The following CSMD1 variants were observed in gnomAD, a reference collection of about 807,000 sequenced individuals.
The protein encoded by CSMD1 is CUB and sushi domain-containing protein 1.
A neutral mutation model predicts 417.5 loss-of-function variants in CSMD1; 213 were observed. That is an observed-to-expected ratio of 0.51 (90% CI 0.46 to 0.57). The LOEUF is 0.57. Ranked by LOEUF, CSMD1 falls within the 20% of genes least tolerant of loss-of-function variation. CSMD1 has a pLI of 0.00. For missense variants in CSMD1, 6,923 were observed against 4,529.7 expected (o/e 1.53, Z -15.17); for synonymous variants, 2,862 against 1,736.8 (o/e 1.65, Z -16.11).
chr8:3,606,544 C>G (rs1801623940), intron 8 of CSMD1, among the ~76,000 whole-genome samples: 1 of 152,042 alleles, frequency 6.6e-6, no homozygotes, highest in African/African-American at 2.4e-5. Flanking sequence ...GGAAGTTGCT[C>G]TGTGTGAGTC....
chr8:4,053,115 T>G (rs748614999), intron 3 of CSMD1, among the ~76,000 whole-genome samples: 1 of 152,160 alleles, frequency 6.6e-6, no homozygotes, highest in African/African-American at 2.4e-5. Flanking sequence ...GAGGACCCCT[T>G]GCCCAGGAAG....
intron 1 of CSMD1, among the ~76,000 whole-genome samples, chr8:4,667,507 C>A (rs1805017362): frequency 6.6e-6 from 1 of 151,610 alleles, no homozygotes; most frequent in Non-Finnish European, 1.5e-5. Flanking sequence ...GATATACCCT[C>A]CTTTTATGTA....
intron 5 of CSMD1, among the ~76,000 whole-genome samples, chr8:3,769,200 A>G (rs1282970879): frequency 1.3e-5 from 2 of 152,234 alleles, no homozygotes; most frequent in African/African-American, 4.8e-5. Flanking sequence ...TAATGTTCAC[A>G]GACATGTTGG....
intron 5 of CSMD1, among the ~76,000 whole-genome samples, chr8:3,922,037 A>G (rs932520260): frequency 6.6e-6 from 1 of 152,072 alleles, no homozygotes; most frequent in Non-Finnish European, 1.5e-5. Context: ...AGTTCTGTTA[A>G]TATTTGCTAT....
intron 2 of CSMD1, among the ~76,000 whole-genome samples, chr8:4,485,571 G>C (rs1396605879): frequency 5.3e-5 from 8 of 151,876 alleles, no homozygotes; most frequent in Admixed American, 1.3e-4. Flanking sequence ...TTTATTTCTT[G>C]CCACTTCTAT....
intron 10 of CSMD1, among the ~76,000 whole-genome samples, chr8:3,551,358 G>C (rs1380096842): frequency 2.0e-5 from 3 of 152,064 alleles, no homozygotes; most frequent in African/African-American, 7.2e-5. Flanking sequence ...GAGTTTGTGA[G>C]TCATTGGTTT....
chr8:3,390,763 C>T (rs184965644), intron 17 of CSMD1, among the ~76,000 whole-genome samples: 2 of 151,710 alleles, frequency 1.3e-5, no homozygotes, highest in African/African-American at 4.8e-5. Context: ...GCAGCTCATA[C>T]GGAGGTACAT....
At chr8:4,863,375 C>T (rs11786714) in intron 1 of CSMD1, among the ~76,000 whole-genome samples, 59,346 of 151,896 alleles carry the variant, frequency 0.39, 13,309 homozygotes, top group East Asian at 0.65. Context: ...ATTATGAATG[C>T]AAGCCTTAAG....
At chr8:3,302,190 A>G (rs917413304) in intron 25 of CSMD1, among the ~76,000 whole-genome samples, 1 of 152,172 alleles carries the variant, frequency 6.6e-6, no homozygotes, top group Non-Finnish European at 1.5e-5. Context: ...GGAACACGTG[A>G]TGAGCTCTGA....
At chr8:4,175,501 A>C (rs1797991447) in intron 3 of CSMD1, among the ~76,000 whole-genome samples, 1 of 152,206 alleles carries the variant, frequency 6.6e-6, no homozygotes, top group Non-Finnish European at 1.5e-5. Context: ...TTAAAACATT[A>C]CACAAAGACA....
chr8:3,750,930 G>A lies in CSMD1; in HGVS notation c.931+3000C>T, dbSNP rs576976364. 4.6e-5 allele frequency among the ~76,000 whole-genome samples: 7 copies of A among 152,224 alleles called. No homozygotes were observed. The South Asian group carries it at 1.5e-3, about 32-fold the overall frequency. ...TAATCGTAGTGCCTTTCTGCGTACT[G>A]TGCACCATGCGCCCTCTAAGATTCC... is the stretch of plus-strand genomic sequence containing the variant. On this transcript the variant is annotated intron_variant, in intron 6 of 69. Coordinates refer to ENST00000635120, the MANE Select transcript of CSMD1 (RefSeq NM_033225.6).
chr8:4,408,667 GTTCA>G (rs1796473827), intron 3 of CSMD1, among the ~76,000 whole-genome samples: 1 of 152,120 alleles, frequency 6.6e-6, no homozygotes, highest in East Asian at 1.9e-4. Flanking sequence ...TAAATCAATA[GTTCA>G]TTTTCTTGAA....
chr8:3,598,471 G>A (rs1043261730), intron 8 of CSMD1, among the ~76,000 whole-genome samples: 1 of 152,058 alleles, frequency 6.6e-6, no homozygotes. Flanking sequence ...GGGACCGACC[G>A]CCCCATAGGC....
chr8:4,504,165 C>T (rs1802404447), intron 2 of CSMD1, among the ~76,000 whole-genome samples: 1 of 151,990 alleles, frequency 6.6e-6, no homozygotes, highest in Non-Finnish European at 1.5e-5. Flanking sequence ...AAAGGGAGAT[C>T]CTGCCATAGC....
At chr8:4,881,402 C>T (rs1403651063) in intron 1 of CSMD1, among the ~76,000 whole-genome samples, 1 of 151,084 alleles carries the variant, frequency 6.6e-6, no homozygotes, top group Non-Finnish European at 1.5e-5. Flanking sequence ...ACAAATATAC[C>T]TAGTATACAT....
At chr8:4,757,497 G>C (rs567242883) in intron 1 of CSMD1, among the ~76,000 whole-genome samples, 10 of 152,252 alleles carry the variant, frequency 6.6e-5, no homozygotes, top group African/African-American at 2.4e-4. Context: ...CCGCAGCTAG[G>C]CACACTGCAA....
At chr8:3,764,322 A>T (rs6558819) in intron 5 of CSMD1, among the ~76,000 whole-genome samples, 5 of 152,002 alleles carry the variant, frequency 3.3e-5, no homozygotes, top group African/African-American at 7.3e-5. Context: ...AACTCTCCTG[A>T]GTGTACTTGT....
chr8:4,195,058 T>C (rs1205139330), intron 3 of CSMD1, among the ~76,000 whole-genome samples: 7 of 152,182 alleles, frequency 4.6e-5, no homozygotes, highest in African/African-American at 2.4e-5. Flanking sequence ...TACAAAGCAG[T>C]ATTCAGCTGT....
intron 5 of CSMD1, among the ~76,000 whole-genome samples, chr8:3,882,511 T>A (rs146815264): frequency 7.7e-4 from 117 of 152,316 alleles, no homozygotes; most frequent in Non-Finnish European, 5.7e-4. Context: ...TCTGCCTCGG[T>A]TGAGCACATG....
Sources: gnomAD v4.1 joint callset for allele counts (sites outside exome capture counted in the v4.1 genomes callset) on GRCh38, gnomAD v4.1.1 for gene constraint, MANE v1.5 for transcripts, NCBI Gene and HGNC (gene_info 2026-07-23, HGNC 2026-07-21) for gene names.